The following DPEP1 variants were observed in gnomAD, a reference collection of about 807,000 sequenced individuals.
DPEP1 encodes the protein dipeptidase 1.
DPEP1 carries 50 observed loss-of-function variants against 42.3 expected under a neutral mutation model. The observed-to-expected ratio is 1.18, with a 90% CI of 0.94 to 1.50. The LOEUF is 1.50. Among genes scored for constraint, DPEP1 ranks in the 40% most tolerant of loss-of-function variants. DPEP1 has a pLI of 0.00. For synonymous variants in DPEP1, 297 were observed against 234.0 expected, an observed-to-expected ratio of 1.27 and a Z score of -2.46; for missense variants, 663 against 553.0, an observed-to-expected ratio of 1.20 and a Z score of -1.99.
In DPEP1 at chr16:89,614,009, C is replaced by G. The variant is rs879656161; in HGVS notation, c.-107+290C>G. Among the ~76,000 whole-genome samples the G allele has an allele frequency of 1.0e-3, 151 of 144,642 alleles. No individual in the cohort carries two copies. The East Asian group carries it at 0.033, about 32-fold the overall frequency. The allele number at this position is 144,642 out of a possible 152,430, so 94.9% of individuals were successfully genotyped here. ...CACCAGGTGTGTGGGGCAGGGGACGCGGCTGCTTCCTGGGATTCTAGGAAA... is the reference window on the plus strand; with the variant it reads ...CACCAGGTGTGTGGGGCAGGGGACGGGGCTGCTTCCTGGGATTCTAGGAAA... On this transcript the variant is annotated intron_variant, in intron 1 of 10. Transcript: ENST00000690203.
At chr16:89,634,894 C>T (rs1301000484) in intron 2 of DPEP1, among the ~76,000 whole-genome samples, 2 of 115,406 alleles carry the variant, frequency 1.7e-5, no homozygotes, top group Non-Finnish European at 4.0e-5. Context: ...CTTCCTTCTC[C>T]TTTCCCTTCC....
chr16:89,615,361 G>A (rs2059371097), intron 1 of DPEP1, among the ~76,000 whole-genome samples: 1 of 152,180 alleles, frequency 6.6e-6, no homozygotes, highest in Non-Finnish European at 1.5e-5. Context: ...GGCCTGGCAG[G>A]GCAGTGGTGC....
chr16:89,614,542 C>T (rs909540417), intron 1 of DPEP1, among the ~76,000 whole-genome samples: 1 of 152,216 alleles, frequency 6.6e-6, no homozygotes, highest in South Asian at 2.1e-4. Context: ...CGCCTGTAAT[C>T]CCCACACTGT....
At chr16:89,641,531 CA>C (rs1567996573), downstream of DPEP1, among the ~76,000 whole-genome samples, 5 of 152,272 alleles carry the variant, frequency 3.3e-5, no homozygotes, top group Admixed American at 2.6e-4. Context: ...AGAGTAATGC[CA>C]CAAACTGATG....
downstream of DPEP1, among the ~76,000 whole-genome samples, chr16:89,641,023 C>T (rs571487781): frequency 2.0e-5 from 3 of 152,148 alleles, no homozygotes; most frequent in South Asian, 2.1e-4. Flanking sequence ...GTTTGGCAGC[C>T]GAGGCGGAGA....
At chr16:89,637,049 G>T in intron 6 of DPEP1, 114 bp downstream of exon 6, 3 of 1,531,612 alleles carry the variant, frequency 2.0e-6, no homozygotes, top group Non-Finnish European at 1.8e-6. Flanking sequence ...CTGTAAAATG[G>T]AGCTGGCAGC....
chr16:89,635,948 A>G lies in DPEP1; in HGVS notation c.145A>G (p.Asn49Asp), dbSNP rs2059672333. The G allele has an allele frequency of 2.5e-6, 4 of 1,611,814 alleles. No homozygotes were observed. Among genetic ancestry groups the G allele is most frequent in the Non-Finnish European group, 3.4e-6 (4 of 1,179,482 alleles). The change falls in exon 3 of 11, where the codon AAC becomes GAC. Residue 49 changes from asparagine to aspartate, a missense_variant. Physicochemically the swap from Asn to Asp is conservative, Grantham distance 23. Transcript: ENST00000690203. ...CTGGCAGCTGCTGGATATGTTCAAC[A>G]ACCGGCTGCAGGACGAGAGGGCCAA... ...LPWQLLDMFNNRLQDERANLT... is the reference protein window; with the variant it reads ...LPWQLLDMFNDRLQDERANLT...
intron 1 of DPEP1, among the ~76,000 whole-genome samples, chr16:89,628,504 C>T (rs964224947): frequency 4.6e-5 from 7 of 151,746 alleles, no homozygotes; most frequent in East Asian, 1.9e-4. Context: ...GTGATCCGCC[C>T]GCCTCAGCCT....
intron 1 of DPEP1, among the ~76,000 whole-genome samples, chr16:89,619,534 T>C (rs1157960125): frequency 6.2e-4 from 1 of 1,614 alleles, no homozygotes; most frequent in Non-Finnish European, 1.8e-3. Flanking sequence ...TGCTCCCCTC[T>C]CTGCAGCCCG....
intron 4 of DPEP1, 59 bp from the exon 5 acceptor site, chr16:89,636,474 G>T (rs2059680672): frequency 6.3e-7 from 1 of 1,598,270 alleles, no homozygotes; most frequent in South Asian, 1.1e-5. Context: ...TGCCGGTCAG[G>T]ACACCTCACC....
chr16:89,630,389 A>C lies in DPEP1; in HGVS notation c.-22A>C. The C allele has an allele frequency of 6.3e-7, 1 of 1,599,600 alleles. No homozygotes were observed. Among genetic ancestry groups the C allele is most frequent in the African/African-American group, 1.3e-5 (1 of 74,378 alleles). ...CAGAGGCACCAGGGCAGCAGTGCACACAGGTCCCCGGGGACCCCACCATGT... is the reference window on the plus strand; with the variant it reads ...CAGAGGCACCAGGGCAGCAGTGCACCCAGGTCCCCGGGGACCCCACCATGT... On this transcript the variant is annotated 5_prime_UTR_variant, in exon 2 of 11. Transcript: ENST00000690203.
chr16:89,633,114 A>G (rs1344266478), intron 2 of DPEP1, among the ~76,000 whole-genome samples: 1 of 152,112 alleles, frequency 6.6e-6, no homozygotes, highest in Non-Finnish European at 1.5e-5. Context: ...AGCCCTGCCC[A>G]GCCCCACCCA....
At chr16:89,634,083 CTCT>C (rs201262328) in intron 2 of DPEP1, among the ~76,000 whole-genome samples, 5,843 of 113,252 alleles carry the variant, frequency 0.052, 313 homozygotes, top group African/African-American at 0.15. Flanking sequence ...CTTTTCTCTT[CTCT>C]TCTTCTTTTT....
chr16:89,631,355 C>T (rs2059585894), intron 2 of DPEP1, among the ~76,000 whole-genome samples: 1 of 152,288 alleles, frequency 6.6e-6, no homozygotes, highest in African/African-American at 2.4e-5. Context: ...TGGCCCAGTG[C>T]CCCGACACTG....
At chr16:89,628,829 G>C (rs545526006) in intron 1 of DPEP1, among the ~76,000 whole-genome samples, 276 of 151,862 alleles carry the variant, frequency 1.8e-3, no homozygotes, top group African/African-American at 6.4e-3. Flanking sequence ...TTTGTGTTTT[G>C]TTTGTTTGTT....
At chr16:89,638,873 C>T (rs1268377074), downstream of DPEP1, among the ~76,000 whole-genome samples, 1 of 75,074 alleles carries the variant, frequency 1.3e-5, no homozygotes, top group South Asian at 6.0e-4. Flanking sequence ...ACACACCCCA[C>T]CCCTGCACAC....
At chr16:89,627,098 A>AAAAAAAAAG (rs1280395358) in intron 1 of DPEP1, among the ~76,000 whole-genome samples, 1 of 147,050 alleles carries the variant, frequency 6.8e-6, no homozygotes, top group African/African-American at 2.5e-5. Context: ...TGTCTCTACT[A>AAAAAAAAAG]AAAAAAAAGA....
chr16:89,616,446 C>G (rs1227686911), intron 1 of DPEP1, among the ~76,000 whole-genome samples: 1 of 152,026 alleles, frequency 6.6e-6, no homozygotes, highest in Non-Finnish European at 1.5e-5. Context: ...CGGGAGGGGT[C>G]CTTGGATGGA....
In DPEP1 at chr16:89,636,577, G is replaced by C; in HGVS notation, c.415G>C (p.Gly139Arg). The C allele has an allele frequency of 6.2e-7, 1 of 1,612,480 alleles. No individual in the cohort carries two copies. The highest frequency in any genetic ancestry group is 8.5e-7 in the Non-Finnish European group (1 of 1,179,858). ...FREGKVASLI[G>R]VEGGHSIDSS... is the part of the protein sequence containing the mutation. ...GGAAGGGAAGGTGGCCAGCCTGATC[G>C]GCGTGGAGGGCGGCCACTCCATTGA... is the stretch of plus-strand genomic sequence containing the variant. The change falls in exon 5 of 11, where the codon GGC becomes CGC. Residue 139 changes from glycine to arginine, a missense_variant. Physicochemically the swap from Gly to Arg is moderately radical, Grantham distance 125. Coordinates refer to ENST00000690203, the MANE Select transcript of DPEP1 (RefSeq NM_001389466.1).
Sources: allele counts gnomAD v4.1 joint callset (sites outside exome capture counted in the v4.1 genomes callset), GRCh38; gene constraint gnomAD v4.1.1; transcripts MANE v1.5; gene names NCBI Gene and HGNC (gene_info 2026-07-23, HGNC 2026-07-21).